Variants in NHSL1 observed in about 807,000 individuals in gnomAD.
NHSL1 encodes NHS-like protein 1.
A neutral mutation model predicts 95.0 loss-of-function variants in NHSL1; 48 were observed. The ratio of observed to expected loss-of-function variants is 0.51; its 90% CI spans 0.40 to 0.64. The LOEUF is 0.64. NHSL1 is among the 30% of genes least tolerant of loss of function. The probability of loss-of-function intolerance (pLI) is 0.00; values close to 1 mark genes in which losing one functional copy is unlikely to be tolerated. For synonymous variants in NHSL1, 783 were observed against 833.9 expected (o/e 0.94, Z 1.05); for missense variants, 1,971 against 2,077.7 (o/e 0.95, Z 1.00).
intron 1 of NHSL1, among the ~76,000 whole-genome samples, chr6:138,677,071 T>C (rs192452429): frequency 1.0e-3 from 152 of 152,358 alleles, no homozygotes; most frequent in Non-Finnish European, 1.8e-3. Context: ...TAATAAATTA[T>C]AAAGCTGAAT....
chr6:138,686,889 G>C (rs978872829), intron 1 of NHSL1, among the ~76,000 whole-genome samples: 2 of 152,164 alleles, frequency 1.3e-5, no homozygotes, highest in African/African-American at 4.8e-5. Flanking sequence ...TTTAACGAAA[G>C]TTCCAAGCAG....
chr6:138,523,627 GAAAAAAA>G (rs67335375), intron 1 of NHSL1, among the ~76,000 whole-genome samples: 21 of 64,938 alleles, frequency 3.2e-4, no homozygotes, highest in Non-Finnish European at 5.5e-4. Context: ...TTTTAAAGAG[GAAAAAAA>G]AAAAAAAAAA....
In NHSL1 at chr6:138,535,361, C is replaced by T. The variant is rs1212075947; in HGVS notation, c.16+10262G>A. Among the ~76,000 whole-genome samples, 7 of 152,024 alleles carry T rather than the reference C, an allele frequency of 4.6e-5. No individual in the cohort carries two copies. The East Asian group carries it at 9.7e-4, about 21-fold the overall frequency. On this transcript the variant is annotated intron_variant, in intron 1 of 4. Coordinates refer to the NHSL1 transcript ENST00000342260. Reference sequence around the variant, plus strand: ...GGAGGATTGCCTGAGCCCAGGAGTTCGAGACCAGTCTCGGCAACACAGTAA... The same window carrying T: ...GGAGGATTGCCTGAGCCCAGGAGTTTGAGACCAGTCTCGGCAACACAGTAA...
At chr6:138,448,301 A>G (rs193076815) in intron 3 of NHSL1, among the ~76,000 whole-genome samples, 3 of 152,342 alleles carry the variant, frequency 2.0e-5, no homozygotes, top group African/African-American at 7.2e-5. Flanking sequence ...AACACAACGA[A>G]AAAGGGTAAT....
At chr6:138,439,568 A>C (rs1296323120) in intron 5 of NHSL1, among the ~76,000 whole-genome samples, 1 of 152,232 alleles carries the variant, frequency 6.6e-6, no homozygotes, top group Non-Finnish European at 1.5e-5. Flanking sequence ...TTGCTAAATA[A>C]AACTGTATAC....
At chr6:138,479,668 G>A (rs373149675) in intron 2 of NHSL1, among the ~76,000 whole-genome samples, 38 of 152,196 alleles carry the variant, frequency 2.5e-4, no homozygotes, top group African/African-American at 5.5e-4. Context: ...GCAGGTAGCT[G>A]AAACTATGGA....
chr6:138,505,398 G>A (rs1316441348), intron 1 of NHSL1, among the ~76,000 whole-genome samples: 2 of 152,172 alleles, frequency 1.3e-5, no homozygotes, highest in East Asian at 1.9e-4. Context: ...ACTCATGCCT[G>A]TAATCCCAGC....
chr6:138,466,901 T>C (rs916622340), intron 3 of NHSL1, among the ~76,000 whole-genome samples: 1 of 152,026 alleles, frequency 6.6e-6, no homozygotes, highest in African/African-American at 2.4e-5. Flanking sequence ...CTGGACAACA[T>C]GGTGAAACCC....
At chr6:138,574,688 G>C (rs73560970), upstream of NHSL1, among the ~76,000 whole-genome samples, 4 of 107,372 alleles carry the variant, frequency 3.7e-5, no homozygotes, top group African/African-American at 1.6e-4. Context: ...AAAAAAAAAA[G>C]AAAAGAAAAA....
At chr6:138,610,157 G>T (rs562338687) in intron 1 of NHSL1, among the ~76,000 whole-genome samples, 1 of 152,114 alleles carries the variant, frequency 6.6e-6, no homozygotes. Context: ...CAACCAAAAC[G>T]TGAGGAGCAA....
At chr6:138,690,790 G>T (rs1054854992) in intron 1 of NHSL1, among the ~76,000 whole-genome samples, 1 of 152,210 alleles carries the variant, frequency 6.6e-6, no homozygotes, top group Non-Finnish European at 1.5e-5. Flanking sequence ...AGTTATTTCA[G>T]TTACTGTAAT....
At chr6:138,689,991 G>T (rs900374330) in intron 1 of NHSL1, among the ~76,000 whole-genome samples, 6 of 152,192 alleles carry the variant, frequency 3.9e-5, no homozygotes, top group Non-Finnish European at 7.3e-5. Context: ...TGGGACGACA[G>T]GCGAGACAAT....
intron 1 of NHSL1, among the ~76,000 whole-genome samples, chr6:138,584,205 T>C (rs928249573): frequency 6.6e-6 from 1 of 152,206 alleles, no homozygotes; most frequent in Non-Finnish European, 1.5e-5. Context: ...TCTTATAAAC[T>C]AATTCACCTG....
At chr6:138,438,235 T>G (rs978431343) in intron 5 of NHSL1, among the ~76,000 whole-genome samples, 1 of 152,202 alleles carries the variant, frequency 6.6e-6, no homozygotes, top group East Asian at 1.9e-4. Context: ...ACCACCCTGA[T>G]CAGTCAGCAG....
chr6:138,492,127 G>A (rs868509983), intron 2 of NHSL1, among the ~76,000 whole-genome samples: 5 of 152,086 alleles, frequency 3.3e-5, no homozygotes, highest in Admixed American at 6.6e-5. Flanking sequence ...TGCTATATTC[G>A]GATCAGAGTA....
chr6:138,690,035 T>C (rs1275250207), intron 1 of NHSL1, among the ~76,000 whole-genome samples: 1 of 152,328 alleles, frequency 6.6e-6, no homozygotes, highest in East Asian at 1.9e-4. Flanking sequence ...GGATGTGTCA[T>C]TACCCACAGC....
intron 1 of NHSL1, among the ~76,000 whole-genome samples, chr6:138,686,720 G>A (rs1194967550): frequency 7.2e-5 from 11 of 152,146 alleles, no homozygotes; most frequent in Non-Finnish European, 1.0e-4. Flanking sequence ...AAATGGCAGA[G>A]GTGAAGCCAA....
At chr6:138,647,421 C>T (rs1785033818) in intron 1 of NHSL1, among the ~76,000 whole-genome samples, 2 of 152,072 alleles carry the variant, frequency 1.3e-5, no homozygotes, top group African/African-American at 4.8e-5. Flanking sequence ...ATAATTATTT[C>T]CTAAGCTTAT....
intron 1 of NHSL1, among the ~76,000 whole-genome samples, chr6:138,637,136 T>C (rs568964288): frequency 6.6e-5 from 10 of 152,104 alleles, no homozygotes; most frequent in African/African-American, 9.6e-5. Flanking sequence ...GTGCCAAAAA[T>C]ATGTTAGGGA....
Sources: allele counts gnomAD v4.1 joint callset (sites outside exome capture counted in the v4.1 genomes callset), GRCh38; gene constraint gnomAD v4.1.1; transcripts MANE v1.5; gene names NCBI Gene and HGNC (gene_info 2026-07-23, HGNC 2026-07-21).